Variants in ENTREP2 observed in about 807,000 individuals in gnomAD.
The protein encoded by ENTREP2 is endosomal transmembrane epsin interactor 2, also known as protein ENTREP2.
chr15:29,354,314 G>T, the ENTREP2 span, among the ~76,000 whole-genome samples: 2 of 152,166 alleles, frequency 1.3e-5, no homozygotes, highest in Non-Finnish European at 2.9e-5. Flanking sequence ...GCCTTCCAGG[G>T]TCTCCAGCCT....
the ENTREP2 span, among the ~76,000 whole-genome samples, chr15:29,540,890 A>G: frequency 1.3e-5 from 2 of 152,262 alleles, no homozygotes; most frequent in Non-Finnish European, 2.9e-5. Flanking sequence ...AAAGCAGACA[A>G]GTTAGTCCTA....
chr15:29,214,715 A>T, the ENTREP2 span, among the ~76,000 whole-genome samples: 1 of 151,924 alleles, frequency 6.6e-6, no homozygotes, highest in Non-Finnish European at 1.5e-5. Flanking sequence ...TAAAAAAAAA[A>T]GGAGCAAGTT....
the ENTREP2 span, among the ~76,000 whole-genome samples, chr15:29,606,760 C>G: frequency 6.6e-6 from 1 of 151,606 alleles, no homozygotes; most frequent in Non-Finnish European, 1.5e-5. Flanking sequence ...CTAATAATTT[C>G]AGTAGGATAT....
chr15:29,256,059 G>T, the ENTREP2 span, among the ~76,000 whole-genome samples: 4 of 150,764 alleles, frequency 2.7e-5, no homozygotes, highest in East Asian at 7.7e-4. Context: ...GGATGTAGCT[G>T]GAGTCCATAT....
chr15:29,664,093 C>A, the ENTREP2 span, among the ~76,000 whole-genome samples: 6 of 151,836 alleles, frequency 4.0e-5, no homozygotes, highest in African/African-American at 1.5e-4. Flanking sequence ...TTGCTCCCAG[C>A]ATATATTACA....
At chr15:29,613,043 A>G in the ENTREP2 span, among the ~76,000 whole-genome samples, 1 of 152,136 alleles carries the variant, frequency 6.6e-6, no homozygotes, top group African/African-American at 2.4e-5. Context: ...CAGAATTTGC[A>G]CGTGGGCCCC....
chr15:29,298,925 C>T, the ENTREP2 span, among the ~76,000 whole-genome samples: 1 of 152,022 alleles, frequency 6.6e-6, no homozygotes, highest in Non-Finnish European at 1.5e-5. Flanking sequence ...TGATATGAAC[C>T]ATCTCTCTCA....
the ENTREP2 span, chr15:29,123,154 G>C: frequency 1.7e-6 from 1 of 596,030 alleles, no homozygotes; most frequent in Non-Finnish European, 2.9e-6. Context: ...GACACTGCTC[G>C]GCTCCCCTCG....
the ENTREP2 span, among the ~76,000 whole-genome samples, chr15:29,517,234 GATA>G: frequency 6.6e-6 from 1 of 152,158 alleles, no homozygotes; most frequent in African/African-American, 2.4e-5. Flanking sequence ...GGAGGGAAAT[GATA>G]ATATTAGTGT....
the ENTREP2 span, among the ~76,000 whole-genome samples, chr15:29,577,327 T>TGTGTGTGTGA: frequency 9.5e-6 from 1 of 104,754 alleles, no homozygotes; most frequent in Non-Finnish European, 1.7e-5. Flanking sequence ...TGTGTGTGTG[T>TGTGTGTGTGA]GTGTGTGTGT....
At chr15:29,459,523 T>C in the ENTREP2 span, among the ~76,000 whole-genome samples, 49 of 152,310 alleles carry the variant, frequency 3.2e-4, no homozygotes, top group African/African-American at 1.2e-3. Flanking sequence ...AGTAGTTTAA[T>C]CAAACTAGGA....
the ENTREP2 span, among the ~76,000 whole-genome samples, chr15:29,245,965 G>T: frequency 6.6e-6 from 1 of 152,094 alleles, no homozygotes; most frequent in South Asian, 2.1e-4. Flanking sequence ...CTGCAGGGAC[G>T]GTCTTAGTGA....
At chr15:29,181,244 C>T in the ENTREP2 span, among the ~76,000 whole-genome samples, 1 of 152,252 alleles carries the variant, frequency 6.6e-6, no homozygotes, top group African/African-American at 2.4e-5. Context: ...AACCTATAAT[C>T]CACTGAATCA....
At chr15:29,596,677 A>AT in the ENTREP2 span, among the ~76,000 whole-genome samples, 6 of 150,066 alleles carry the variant, frequency 4.0e-5, no homozygotes, top group Non-Finnish European at 5.9e-5. Flanking sequence ...TTATTTTTTT[A>AT]TTTTTTTTTA....
chr15:29,674,132 G>GGC, the ENTREP2 span, among the ~76,000 whole-genome samples: 3 of 145,538 alleles, frequency 2.1e-5, 1 homozygote, highest in Non-Finnish European at 4.5e-5. Context: ...AGAGGATGGG[G>GGC]GGGGGGGGGG....
At chr15:29,319,346 A>C in the ENTREP2 span, among the ~76,000 whole-genome samples, 11 of 152,214 alleles carry the variant, frequency 7.2e-5, no homozygotes, top group Admixed American at 7.2e-4. Flanking sequence ...AGACAGCCCC[A>C]GTTTCCTCTG....
the ENTREP2 span, among the ~76,000 whole-genome samples, chr15:29,623,015 T>C: frequency 6.6e-6 from 1 of 152,204 alleles, no homozygotes; most frequent in Admixed American, 6.5e-5. Flanking sequence ...ACGATGATGT[T>C]TGAGTTCCTA....
At chr15:29,674,805 C>G in the ENTREP2 span, among the ~76,000 whole-genome samples, 1 of 151,876 alleles carries the variant, frequency 6.6e-6, no homozygotes, top group Admixed American at 6.5e-5. Flanking sequence ...GGGCTTCCCC[C>G]TGCCGGCCTC....
At chr15:29,430,291 C>A in the ENTREP2 span, among the ~76,000 whole-genome samples, 1 of 152,132 alleles carries the variant, frequency 6.6e-6, no homozygotes. Context: ...CACAGCACAG[C>A]CCTGGCCCCT....
Sources: allele counts gnomAD v4.1 joint callset (sites outside exome capture counted in the v4.1 genomes callset), GRCh38; gene constraint gnomAD v4.1.1; transcripts MANE v1.5; gene names NCBI Gene and HGNC (gene_info 2026-07-23, HGNC 2026-07-21).